The following NCKAP1 variants were observed in gnomAD, a reference collection of about 807,000 sequenced individuals.
The protein encoded by NCKAP1 is nck-associated protein 1.
In NCKAP1, 21 loss-of-function variants were observed where a neutral mutation model predicts 151.2. The observed-to-expected ratio is 0.14, with a 90% CI of 0.10 to 0.20. The LOEUF is 0.20. Ranked by LOEUF, NCKAP1 falls within the 10% of genes least tolerant of loss-of-function variation. The pLI is 1.00. For missense variants in NCKAP1, 933 were observed against 1,352.1 expected (o/e 0.69, Z 4.86); for synonymous variants, 484 against 451.8 (o/e 1.07, Z -0.90).
chr2:183,038,420 C>T lies in NCKAP1; in HGVS notation c.-321G>A. 1 of 183,480 alleles carries T rather than the reference C, an allele frequency of 5.5e-6. No individual in the cohort carries two copies. The highest frequency in any genetic ancestry group is 1.1e-5 in the Non-Finnish European group (1 of 92,024). 11.4% of individuals were successfully genotyped at this position (183,480 alleles called of 1,614,324 possible). On this transcript the variant is annotated 5_prime_UTR_variant, in exon 1 of 31. Transcript: ENST00000361354. ...TCCCCGGCTGCTCCACTAGGTGTGG[C>T]GGCGGCGGCGGCGGCGGCGGCGTCT... is the stretch of plus-strand genomic sequence containing the variant.
Position 182,928,858 on chromosome 2 carries a change from G to C in NCKAP1, c.2995C>G (p.Leu999Val), listed in dbSNP as rs1219355178. 2 of 1,611,978 alleles carry C rather than the reference G, an allele frequency of 1.2e-6. No individual in the cohort carries two copies. Among genetic ancestry groups the C allele is most frequent in the African/African-American group, 2.7e-5 (2 of 74,802 alleles). Residue 999 changes from leucine (L) to valine (V), a missense_variant, in exon 28 of 31, where the codon CTC (leucine) becomes GTC (valine). Coordinates refer to ENST00000361354, the MANE Select transcript of NCKAP1 (RefSeq NM_013436.5). ...AAAGAAACTGCCACAAACACCATGA[G>C]AAGGCAGGCAATTTTATACTCTTCT... ...PEEEYKIACL[L>V]MVFVAVSLPT... is the part of the protein sequence containing the mutation.
At chr2:182,952,139 C>G (rs996196873) in intron 23 of NCKAP1, among the ~76,000 whole-genome samples, 3 of 152,152 alleles carry the variant, frequency 2.0e-5, no homozygotes, top group Admixed American at 2.0e-4. Context: ...CTATGAAGGC[C>G]TGACCACAAG....
Position 183,015,604 on chromosome 2 carries a change from AATTTT to A in NCKAP1, c.219+8197_219+8201del, listed in dbSNP as rs555424705. 1.1e-3 allele frequency among the ~76,000 whole-genome samples: 161 copies of A among 152,190 alleles called. 1 individual carries two copies. The highest frequency in any genetic ancestry group is 6.8e-3 in the Middle Eastern group (2 of 292). ...TGGTATAACTATGAAACTGTAAAAT[AATTTT>A]AAGTAAATGACAGAATTTAGGAAGA... On this transcript the variant is annotated intron_variant, in intron 2 of 30. Coordinates refer to ENST00000361354, the MANE Select transcript of NCKAP1 (RefSeq NM_013436.5).
intron 2 of NCKAP1, among the ~76,000 whole-genome samples, chr2:183,013,298 G>A (rs372541187): frequency 6.6e-5 from 10 of 152,058 alleles, no homozygotes; most frequent in African/African-American, 1.4e-4. Context: ...AACTTAACAC[G>A]TCTAATATTG....
At chr2:183,017,158 A>C (rs1698708167) in intron 2 of NCKAP1, among the ~76,000 whole-genome samples, 2 of 152,146 alleles carry the variant, frequency 1.3e-5, no homozygotes, top group Non-Finnish European at 1.5e-5. Context: ...AGCAGTCCCC[A>C]ACCTTTTTAG....
At chr2:182,960,579 A>G (rs1424808894) in intron 18 of NCKAP1, among the ~76,000 whole-genome samples, 1 of 152,234 alleles carries the variant, frequency 6.6e-6, no homozygotes, top group East Asian at 1.9e-4. Flanking sequence ...ACAAAAGTTA[A>G]TTCAAGATGG....
intron 24 of NCKAP1, among the ~76,000 whole-genome samples, chr2:182,938,353 G>A (rs1367707255): frequency 6.6e-6 from 1 of 152,116 alleles, no homozygotes; most frequent in African/African-American, 2.4e-5. Context: ...AAACGACGAA[G>A]AGTAGAGATA....
chr2:182,997,075 T>C (rs1208109528), intron 6 of NCKAP1, among the ~76,000 whole-genome samples: 1 of 152,232 alleles, frequency 6.6e-6, no homozygotes, highest in Non-Finnish European at 1.5e-5. Context: ...TTTGTATTTC[T>C]GTGGGATTGG....
chr2:182,964,057 C>A (rs1320085492), intron 17 of NCKAP1, among the ~76,000 whole-genome samples: 1 of 152,062 alleles, frequency 6.6e-6, no homozygotes, highest in East Asian at 1.9e-4. Flanking sequence ...TAAAGAAATA[C>A]ATTATTTAAT....
chr2:182,978,203 C>G lies in NCKAP1; in HGVS notation c.1423+631G>C, dbSNP rs1217451518. 3.3e-5 allele frequency among the ~76,000 whole-genome samples: 5 copies of G among 152,152 alleles called. No individual in the cohort carries two copies. The East Asian group carries it at 9.6e-4, about 29-fold the overall frequency. On this transcript the variant is annotated intron_variant, in intron 14 of 30. Coordinates refer to ENST00000361354, the MANE Select transcript of NCKAP1 (RefSeq NM_013436.5). ...AAGAAAAATGTTTATACATTTATTACTCAGAAGTTTTCAAGGTTTCTGATA... is the reference window on the plus strand; with the variant it reads ...AAGAAAAATGTTTATACATTTATTAGTCAGAAGTTTTCAAGGTTTCTGATA...
chr2:183,016,811 G>A (rs1019697723), intron 2 of NCKAP1, among the ~76,000 whole-genome samples: 1 of 152,104 alleles, frequency 6.6e-6, no homozygotes, highest in Non-Finnish European at 1.5e-5. Context: ...GAGGAAGGGA[G>A]GGCGAAAGTA....
intron 20 of NCKAP1, among the ~76,000 whole-genome samples, chr2:182,953,646 C>G (rs1411352963): frequency 6.6e-6 from 1 of 151,892 alleles, no homozygotes; most frequent in African/African-American, 2.4e-5. Context: ...ACTAAAAATA[C>G]AAAAATTAGC....
rs5836857 is a variant in NCKAP1 at position 182,910,948 on chromosome 2, G to GCACA, written c.*14753_*14754insTGTG. 1 of 117,816 alleles carries GCACA rather than the reference G, an allele frequency of 8.5e-6. No individual in the cohort carries two copies. Among genetic ancestry groups the GCACA allele is most frequent in the Non-Finnish European group, 1.8e-5 (1 of 56,332 alleles). The allele number at this position is 117,816 out of a possible 1,614,324, so 7.3% of individuals were successfully genotyped here. On this transcript the variant is annotated 3_prime_UTR_variant, in exon 31 of 31. Transcript: ENST00000361354. Reference sequence around the variant, plus strand: ...CTTGGAAATAAAAATAAAATCCTAAGCTCCCCCCCCACATTTGACTAAACA... The same window carrying GCACA: ...CTTGGAAATAAAAATAAAATCCTAAGCACACTCCCCCCCCACATTTGACTAAACA...
chr2:182,950,685 T>G (rs143906361), intron 23 of NCKAP1, among the ~76,000 whole-genome samples: 42 of 152,256 alleles, frequency 2.8e-4, no homozygotes, highest in Non-Finnish European at 4.4e-4. Flanking sequence ...CAATGAATAC[T>G]AAAATAACAG....
chr2:182,983,231 GTTTT>G, intron 11 of NCKAP1, 51 bp downstream of exon 11: 1 of 1,391,476 alleles, frequency 7.2e-7, no homozygotes, highest in Non-Finnish European at 1.0e-6. Flanking sequence ...ACTTAGAAAC[GTTTT>G]TTAAAATTTT....
At chr2:182,995,935 A>T in intron 6 of NCKAP1, 97 bp from the exon 7 acceptor site, 1 of 1,055,734 alleles carries the variant, frequency 9.5e-7, no homozygotes, top group Non-Finnish European at 1.4e-6. Context: ...CTATACCATC[A>T]TAAAACAACA....
At chr2:182,964,916 C>T in intron 16 of NCKAP1, 108 bp from the exon 17 acceptor site, 1 of 771,202 alleles carries the variant, frequency 1.3e-6, no homozygotes, top group Non-Finnish European at 2.0e-6. Context: ...ACTGGTAGCA[C>T]TGATTTAAGA....
chr2:183,009,820 C>T (rs907861359), intron 2 of NCKAP1, among the ~76,000 whole-genome samples: 4 of 152,092 alleles, frequency 2.6e-5, no homozygotes, highest in African/African-American at 4.8e-5. Flanking sequence ...GATGCCAATC[C>T]GGGTCTATGA....
intron 26 of NCKAP1, among the ~76,000 whole-genome samples, chr2:182,932,349 A>G (rs769421046): frequency 6.6e-6 from 1 of 152,150 alleles, no homozygotes; most frequent in Non-Finnish European, 1.5e-5. Context: ...ATGCCAAGTG[A>G]AAGAAGCCAG....
Sources: allele counts gnomAD v4.1 joint callset (sites outside exome capture counted in the v4.1 genomes callset), GRCh38; gene constraint gnomAD v4.1.1; transcripts MANE v1.5; gene names NCBI Gene and HGNC (gene_info 2026-07-23, HGNC 2026-07-21).